Variants in DACH2 observed in about 807,000 individuals in gnomAD.
DACH2 encodes dachshund family transcription factor 2.
In DACH2, 17 loss-of-function variants were observed where a neutral mutation model predicts 35.8. The ratio of observed to expected loss-of-function variants is 0.48; its 90% CI spans 0.33 to 0.71. The LOEUF (loss-of-function observed/expected upper bound fraction) is 0.71. Ranked by LOEUF, DACH2 falls within the 30% of genes least tolerant of loss-of-function variation. DACH2 has a pLI of 0.02. For missense variants in DACH2, 469 were observed against 472.7 expected, an observed-to-expected ratio of 0.99 and a Z score of 0.07; for synonymous variants, 195 against 177.3, an observed-to-expected ratio of 1.10 and a Z score of -0.79.
At chrX:86,169,009 C>G (rs2031039094) in intron 1 of DACH2, among the ~76,000 whole-genome samples, 1 of 111,143 alleles carries the variant, frequency 9.0e-6, no homozygotes, top group Non-Finnish European at 1.9e-5. Flanking sequence ...ACCTTCCAAA[C>G]CCTTACTTAT....
intron 1 of DACH2, among the ~76,000 whole-genome samples, chrX:86,279,893 T>C (rs1289041567): frequency 9.3e-6 from 1 of 107,932 alleles, no homozygotes; most frequent in Non-Finnish European, 1.9e-5. Context: ...AATAGCTGAA[T>C]TGATCAAGCA....
chrX:86,429,573 T>TC (rs3072236), intron 2 of DACH2, among the ~76,000 whole-genome samples: 2 of 106,019 alleles, frequency 1.9e-5, no homozygotes, highest in African/African-American at 7.2e-5. Flanking sequence ...TCTTTTCTTT[T>TC]TTTTCTTGAG....
chrX:86,529,575 C>A (rs1479818031), intron 3 of DACH2, among the ~76,000 whole-genome samples: 4 of 108,884 alleles, frequency 3.7e-5, no homozygotes, highest in Admixed American at 2.9e-4. Flanking sequence ...CAGGTTCACG[C>A]CATTCTCCTG....
intron 2 of DACH2, among the ~76,000 whole-genome samples, chrX:86,494,216 A>G (rs1749848032): frequency 8.9e-6 from 1 of 112,410 alleles, no homozygotes; most frequent in Non-Finnish European, 1.9e-5. Flanking sequence ...ACATGGAACA[A>G]GCCTTTAACA....
At chrX:86,437,854 C>T (rs1234761822) in intron 2 of DACH2, among the ~76,000 whole-genome samples, 1 of 106,818 alleles carries the variant, frequency 9.4e-6, no homozygotes, top group Non-Finnish European at 1.9e-5. Flanking sequence ...TTGATATATT[C>T]AATTTTATTT....
chrX:86,396,883 G>C (rs758000672), intron 2 of DACH2, among the ~76,000 whole-genome samples: 65 of 110,647 alleles, frequency 5.9e-4, no homozygotes, highest in Non-Finnish European at 6.8e-4. Flanking sequence ...CTCTTTTTTG[G>C]TTCCATATGA....
chrX:86,427,009 C>T (rs188820669), intron 2 of DACH2, among the ~76,000 whole-genome samples: 28 of 112,009 alleles, frequency 2.5e-4, no homozygotes, highest in South Asian at 1.5e-3. Flanking sequence ...TAGAATACAT[C>T]CTTTTTTGTC....
At chrX:86,564,091 T>A (rs5923563) in intron 3 of DACH2, among the ~76,000 whole-genome samples, 35,236 of 109,276 alleles carry the variant, frequency 0.32, 4,652 homozygotes, top group Middle Eastern at 0.47. Flanking sequence ...AAGAACACTT[T>A]GATGTTTCCT....
At chrX:86,788,272 T>C (rs138888738) in intron 7 of DACH2, among the ~76,000 whole-genome samples, 2 of 110,983 alleles carry the variant, frequency 1.8e-5, no homozygotes, top group Admixed American at 9.6e-5. Flanking sequence ...ACTGGGAAGC[T>C]GCTGATCACC....
At chrX:86,564,347 A>G (rs1250626803) in intron 3 of DACH2, among the ~76,000 whole-genome samples, 1 of 111,811 alleles carries the variant, frequency 8.9e-6, no homozygotes, top group Non-Finnish European at 1.9e-5. Flanking sequence ...AAAACAATTT[A>G]TGTTCACTAA....
intron 3 of DACH2, among the ~76,000 whole-genome samples, chrX:86,514,845 G>A (rs1222803935): frequency 9.0e-6 from 1 of 111,211 alleles, no homozygotes; most frequent in African/African-American, 3.3e-5. Flanking sequence ...CTTGGTATAG[G>A]AGCCTTATGA....
chrX:86,606,779 G>T (rs1174128301), intron 3 of DACH2, among the ~76,000 whole-genome samples: 1 of 111,717 alleles, frequency 9.0e-6, no homozygotes, highest in Non-Finnish European at 1.9e-5. Flanking sequence ...TCTGTCCAAT[G>T]CTGAAAGTGG....
At chrX:86,666,864 C>A (rs759006708) in intron 4 of DACH2, among the ~76,000 whole-genome samples, 1 of 110,732 alleles carries the variant, frequency 9.0e-6, no homozygotes, top group South Asian at 3.9e-4. Context: ...TCATTTTCTT[C>A]TAGAATTCTA....
At position 86,827,187 on chromosome X, in the gene DACH2, A is replaced by G. The variant is rs12010243; in HGVS notation, c.1751-4919A>G. ...AGTTCTTGGTAGTTTTTTGAAAAATAAAAAGTGAGCAATTACTTTCGAATA... is the reference window on the plus strand; with the variant it reads ...AGTTCTTGGTAGTTTTTTGAAAAATGAAAAGTGAGCAATTACTTTCGAATA... On this transcript the variant is annotated intron_variant, in intron 11 of 11. Transcript: ENST00000373125. 2.8e-3 allele frequency among the ~76,000 whole-genome samples: 298 copies of G among 105,429 alleles called. 1 individual carries two copies. Among genetic ancestry groups the G allele is most frequent in the African/African-American group, 9.4e-3 (284 of 30,203 alleles). The allele number at this position is 105,429 out of a possible 115,157, so 91.6% of individuals were successfully genotyped here. A position where few individuals can be genotyped will look rare whatever the true frequency, so the allele number is the denominator to read the frequency against.
intron 2 of DACH2, among the ~76,000 whole-genome samples, chrX:86,490,584 C>G (rs1376508795): frequency 9.0e-6 from 1 of 111,579 alleles, no homozygotes; most frequent in Non-Finnish European, 1.9e-5. Flanking sequence ...TCTGGAAGAA[C>G]TGATCCTAAT....
chrX:86,229,200 C>A (rs915614240), intron 1 of DACH2, among the ~76,000 whole-genome samples: 8 of 111,760 alleles, frequency 7.2e-5, no homozygotes, highest in Admixed American at 1.9e-4. Flanking sequence ...GCCAGTTATC[C>A]CAGCACCATT....
intron 7 of DACH2, among the ~76,000 whole-genome samples, chrX:86,805,251 G>A (rs2042332633): frequency 8.9e-6 from 1 of 112,751 alleles, no homozygotes; most frequent in Admixed American, 9.3e-5. Context: ...CATGAAAGCG[G>A]CCAAGGCTTA....
intron 1 of DACH2, among the ~76,000 whole-genome samples, chrX:86,285,522 A>C (rs1361716646): frequency 8.9e-6 from 1 of 111,932 alleles, no homozygotes; most frequent in East Asian, 2.8e-4. Context: ...TGTTCAGAGA[A>C]GATGCGTGGT....
At chrX:86,404,875 T>C (rs931795627) in intron 2 of DACH2, among the ~76,000 whole-genome samples, 1 of 112,198 alleles carries the variant, frequency 8.9e-6, no homozygotes, top group South Asian at 3.7e-4. Context: ...GAAAATCTAT[T>C]TGGAGGATTC....
Sources: allele counts gnomAD v4.1 joint callset (sites outside exome capture counted in the v4.1 genomes callset), GRCh38; gene constraint gnomAD v4.1.1; transcripts MANE v1.5; gene names NCBI Gene and HGNC (gene_info 2026-07-23, HGNC 2026-07-21).